The following MAT2B variants were observed in gnomAD, a reference collection of about 807,000 sequenced individuals.
The protein encoded by MAT2B is methionine adenosyltransferase 2 non-catalytic beta subunit.
Under a neutral mutation model 36.1 loss-of-function variants are expected in MAT2B, and 16 were observed. That is an observed-to-expected ratio of 0.44 (90% CI 0.30 to 0.67). MAT2B has a LOEUF of 0.67. MAT2B is among the 30% of genes least tolerant of loss of function. The pLI is 0.09. For missense variants in MAT2B, 332 were observed against 398.2 expected, an observed-to-expected ratio of 0.83 and a Z score of 1.42; for synonymous variants, 148 against 136.9, an observed-to-expected ratio of 1.08 and a Z score of -0.57.
At chr5:163,505,808 A>C in intron 1 of MAT2B, 59 bp downstream of exon 1, 1 of 1,224,790 alleles carries the variant, frequency 8.2e-7, no homozygotes, top group East Asian at 3.2e-5. Context: ...GGGACGAGCC[A>C]CCGGGGCTCG....
upstream of MAT2B, chr5:163,505,458 C>A: frequency 8.8e-7 from 1 of 1,130,144 alleles, no homozygotes; most frequent in Non-Finnish European, 1.1e-6. Flanking sequence ...TCGCTTTAAG[C>A]ATCGGCGCGT....
intron 4 of MAT2B, among the ~76,000 whole-genome samples, chr5:163,514,480 G>GA (rs1581214827): frequency 1.3e-5 from 2 of 152,102 alleles, no homozygotes; most frequent in South Asian, 2.1e-4. Flanking sequence ...ACACTCCTTA[G>GA]AAAAAATGTA....
At position 163,513,084 on chromosome 5, in the gene MAT2B, C is replaced by G. The variant is rs576686515; in HGVS notation, c.259-471C>G. The G allele has an allele frequency of 1.3e-4, 22 of 170,616 alleles. No individual in the cohort carries two copies. In the South Asian group the frequency reaches 2.9e-3, roughly 22 times the overall value. 10.6% of individuals were successfully genotyped at this position (170,616 alleles called of 1,614,324 possible). A position where few individuals can be genotyped will look rare whatever the true frequency, so the allele number is the denominator to read the frequency against. The stretch of plus-strand genomic sequence containing the variant: ...CACTGTAGCCTTGAATTCCTTGGCT[C>G]AAGTGATCCTTCTGCCTCGGCCTCC... On this transcript the variant is annotated intron_variant, in intron 2 of 6. Transcript: ENST00000321757.
intron 5 of MAT2B, 83 bp from the exon 6 acceptor site, chr5:163,517,478 T>A (rs1760151070): frequency 1.3e-6 from 1 of 762,724 alleles, no homozygotes; most frequent in African/African-American, 1.7e-5. Flanking sequence ...CTGGACCTTA[T>A]TTTAAGTAAG....
upstream of MAT2B, chr5:163,505,465 G>C: frequency 8.5e-7 from 1 of 1,172,864 alleles, no homozygotes; most frequent in Non-Finnish European, 1.1e-6. Context: ...AAGCATCGGC[G>C]CGTGGGCTGG....
chr5:163,512,864 A>G (rs1760068675), intron 2 of MAT2B: 1 of 307,386 alleles, frequency 3.3e-6, no homozygotes, highest in African/African-American at 2.3e-5. Flanking sequence ...TATTTCTAGT[A>G]GAGATGGGGT....
At chr5:163,506,637 C>T (rs1203024008) in intron 1 of MAT2B, among the ~76,000 whole-genome samples, 1 of 152,134 alleles carries the variant, frequency 6.6e-6, no homozygotes, top group Non-Finnish European at 1.5e-5. Flanking sequence ...TTAGGGTTTT[C>T]AAATCACTTT....
At chr5:163,503,550 C>A, upstream of MAT2B, 1 of 898,066 alleles carries the variant, frequency 1.1e-6, no homozygotes, top group Non-Finnish European at 1.8e-6. Flanking sequence ...TCATTCATTT[C>A]CTTAAAACAT....
Position 163,506,116 on chromosome 5 carries a change from A to G in MAT2B, c.63+367A>G, listed in dbSNP as rs193255283. Among the ~76,000 whole-genome samples the G allele has an allele frequency of 2.4e-4, 37 of 152,308 alleles. 1 individual carries two copies. Among genetic ancestry groups the G allele is most frequent in the Non-Finnish European group, 4.6e-4 (31 of 68,016 alleles). On this transcript the variant is annotated intron_variant, in intron 1 of 6. Coordinates refer to ENST00000321757, the MANE Select transcript of MAT2B (RefSeq NM_013283.5). ...GTATTTCTCGATCTTACAAGTTCGT[A>G]GGTTTGAGAAAGAACAGGAAAAGGT...
chr5:163,515,781 T>C (rs868066883), intron 4 of MAT2B, among the ~76,000 whole-genome samples: 43 of 133,418 alleles, frequency 3.2e-4, no homozygotes, highest in Admixed American at 1.6e-3. Flanking sequence ...TTTTTTTTTT[T>C]TTTTTTTTTT....
chr5:163,505,164 C>G (rs935229284), upstream of MAT2B, among the ~76,000 whole-genome samples: 2 of 151,860 alleles, frequency 1.3e-5, no homozygotes, highest in Admixed American at 6.6e-5. Context: ...TTTTCTAAAT[C>G]TTTCAAAACC....
In MAT2B at chr5:163,518,434, G is replaced by A; in HGVS notation, c.*71G>A. 7.5e-7 allele frequency: 1 copy of A among 1,334,460 alleles called. No homozygotes were observed. Among genetic ancestry groups the A allele is most frequent in the Non-Finnish European group, 1.0e-6 (1 of 976,238 alleles). The allele number at this position is 1,334,460 out of a possible 1,614,324, so 82.7% of individuals were successfully genotyped here. ...TATGTGGCACTTTTTAAAGAACAAAGGAAATAGTTTTGTATGAGTACTTTA... is the reference window on the plus strand; with the variant it reads ...TATGTGGCACTTTTTAAAGAACAAAAGAAATAGTTTTGTATGAGTACTTTA... On this transcript the variant is annotated 3_prime_UTR_variant, in exon 7 of 7. Transcript: ENST00000321757.
intron 4 of MAT2B, among the ~76,000 whole-genome samples, chr5:163,515,770 C>CTTTTTTTTTTTTTTTTTT (rs66978639): frequency 2.9e-5 from 2 of 69,780 alleles, no homozygotes; most frequent in Admixed American, 1.8e-4. Flanking sequence ...TTGCCTTTTT[C>CTTTTTTTTTTTTTTTTTT]TTTTTTTTTT....
At chr5:163,516,361 T>C (rs1403278992) in intron 4 of MAT2B, among the ~76,000 whole-genome samples, 157 bp from the exon 5 acceptor site, 2 of 152,222 alleles carry the variant, frequency 1.3e-5, no homozygotes, top group Non-Finnish European at 2.9e-5. Context: ...TGAATATTTT[T>C]ACATTGCGTT....
upstream of MAT2B, among the ~76,000 whole-genome samples, chr5:163,505,038 T>G (rs1249055056): frequency 2.6e-5 from 4 of 152,232 alleles, no homozygotes; most frequent in Admixed American, 6.5e-5. Flanking sequence ...TTATTTTTAA[T>G]TAGTTAAAAA....
At chr5:163,514,017 C>A in intron 4 of MAT2B, 23 bp downstream of exon 4, 1 of 1,578,618 alleles carries the variant, frequency 6.3e-7, no homozygotes, top group Non-Finnish European at 8.6e-7. Flanking sequence ...CTATTTAGCC[C>A]CTGATTGTTT....
At chr5:163,510,712 A>G (rs975714226) in intron 1 of MAT2B, among the ~76,000 whole-genome samples, 7 of 152,126 alleles carry the variant, frequency 4.6e-5, no homozygotes, top group Admixed American at 6.5e-5. Flanking sequence ...TAACTCTTCT[A>G]TGTAGGTAAA....
rs531921297 is a variant in MAT2B at position 163,505,904 on chromosome 5, G to C, written c.63+155G>C. On this transcript the variant is annotated intron_variant, in intron 1 of 6. Transcript: ENST00000321757. ...CCACCCTCCCAGCCCCGGATCCGAGGGGGGCGCCACCGAGTTTGTTTATCT... is the reference window on the plus strand; with the variant it reads ...CCACCCTCCCAGCCCCGGATCCGAGCGGGGCGCCACCGAGTTTGTTTATCT... Among the ~76,000 whole-genome samples, 16 of 152,066 alleles carry C rather than the reference G, an allele frequency of 1.1e-4. No individual in the cohort carries two copies. The East Asian group carries it at 2.3e-3, about 22-fold the overall frequency.
chr5:163,504,761 G>C (rs7709905), upstream of MAT2B, among the ~76,000 whole-genome samples: 4 of 152,084 alleles, frequency 2.6e-5, no homozygotes, highest in Non-Finnish European at 1.5e-5. Context: ...TCAGCACTTA[G>C]GGCTGCTTAA....
Sources: allele counts gnomAD v4.1 joint callset (sites outside exome capture counted in the v4.1 genomes callset), GRCh38; gene constraint gnomAD v4.1.1; transcripts MANE v1.5; gene names NCBI Gene and HGNC (gene_info 2026-07-23, HGNC 2026-07-21).